Variants in KCNIP4 observed in about 807,000 individuals in gnomAD.
The protein encoded by KCNIP4 is potassium voltage-gated channel interacting protein 4.
In KCNIP4, 12 loss-of-function variants were observed where a neutral mutation model predicts 34.0. The observed-to-expected ratio is 0.35, with a 90% CI of 0.23 to 0.57. The LOEUF (loss-of-function observed/expected upper bound fraction) is 0.57. Ranked by LOEUF, KCNIP4 falls within the 20% of genes least tolerant of loss-of-function variation. The pLI is 0.83. For missense variants in KCNIP4, 238 were observed against 311.7 expected (o/e 0.76, Z 1.78); for synonymous variants, 124 against 102.2 (o/e 1.21, Z -1.29).
At chr4:21,095,450 T>G (rs1747376722) in intron 1 of KCNIP4, among the ~76,000 whole-genome samples, 1 of 152,212 alleles carries the variant, frequency 6.6e-6, no homozygotes. Context: ...TATCAGTCAC[T>G]CTAGGCATGG....
chr4:21,721,639 A>G (rs1460851065), intron 1 of KCNIP4, among the ~76,000 whole-genome samples: 1 of 152,218 alleles, frequency 6.6e-6, no homozygotes, highest in Admixed American at 6.5e-5. Flanking sequence ...TAACTAAAAA[A>G]TCACATAAAA....
intron 1 of KCNIP4, among the ~76,000 whole-genome samples, chr4:20,960,268 G>A (rs938308985): frequency 6.6e-6 from 1 of 152,104 alleles, no homozygotes; most frequent in African/African-American, 2.4e-5. Context: ...AAAAGTATTT[G>A]TAAGCATGCT....
At chr4:21,733,792 A>G (rs1397029181) in intron 1 of KCNIP4, among the ~76,000 whole-genome samples, 1 of 152,144 alleles carries the variant, frequency 6.6e-6, no homozygotes, top group Non-Finnish European at 1.5e-5. Flanking sequence ...GGACATAAAA[A>G]AATTCTCCCA....
At chr4:21,434,377 A>G (rs776971081) in intron 1 of KCNIP4, among the ~76,000 whole-genome samples, 6 of 152,210 alleles carry the variant, frequency 3.9e-5, no homozygotes, top group Non-Finnish European at 8.8e-5. Flanking sequence ...TCAATTGAAT[A>G]TATTCTAAGA....
chr4:21,804,854 TAACA>T (rs905330384), intron 1 of KCNIP4, among the ~76,000 whole-genome samples: 7 of 152,146 alleles, frequency 4.6e-5, no homozygotes, highest in African/African-American at 1.7e-4. Context: ...TTCCACTCAC[TAACA>T]AACAATATAT....
chr4:21,558,214 T>C (rs2109027493), intron 1 of KCNIP4, among the ~76,000 whole-genome samples: 1 of 152,210 alleles, frequency 6.6e-6, no homozygotes, highest in Middle Eastern at 3.4e-3. Context: ...ATTTAGGACC[T>C]GGTGCAGTGG....
intron 1 of KCNIP4, among the ~76,000 whole-genome samples, chr4:21,311,026 C>A (rs1269898445): frequency 6.6e-6 from 1 of 152,142 alleles, no homozygotes; most frequent in African/African-American, 2.4e-5. Context: ...GGGTTTAAAT[C>A]CCCACTTTGT....
rs1748399112 is a variant in KCNIP4, at chr4:20,732,044, C to A, written c.667G>T (p.Val223Phe). ...FQKMDKNKDG[V>F]VTIDEFIESC... ...TCAATGAACTCATCTATGGTAACAA[C>A]CCCATCTTTATTTTTGTCCATTTTC... The change falls in exon 8 of 9, where the codon GTT (valine) becomes TTT (phenylalanine). Residue 223 changes from valine (V) to phenylalanine (F), a missense_variant. By Grantham distance (50) the Val-to-Phe change is conservative. Transcript: ENST00000382152. The A allele has an allele frequency of 1.9e-6, 3 of 1,612,448 alleles. No individual in the cohort carries two copies. The highest frequency in any genetic ancestry group is 2.5e-6 in the Non-Finnish European group (3 of 1,179,396).
At chr4:21,744,505 A>G in intron 1 of KCNIP4, among the ~76,000 whole-genome samples, 1 of 152,200 alleles carries the variant, frequency 6.6e-6, no homozygotes, top group East Asian at 1.9e-4. Flanking sequence ...GAAAAAGTTT[A>G]CAGTCTGATA....
chr4:21,897,293 C>A (rs1727449681), intron 1 of KCNIP4, among the ~76,000 whole-genome samples: 1 of 151,916 alleles, frequency 6.6e-6, no homozygotes. Context: ...TTCAGAAGTT[C>A]TAATAAGACA....
At chr4:20,909,611 C>T (rs1728136669) in intron 1 of KCNIP4, among the ~76,000 whole-genome samples, 1 of 152,104 alleles carries the variant, frequency 6.6e-6, no homozygotes, top group South Asian at 2.1e-4. Flanking sequence ...GTTTGGGACA[C>T]ATTACTTTGG....
chr4:21,154,664 T>C (rs1370334085), intron 1 of KCNIP4, among the ~76,000 whole-genome samples: 1 of 152,234 alleles, frequency 6.6e-6, no homozygotes, highest in Admixed American at 6.5e-5. Flanking sequence ...AAATATTCCA[T>C]ATTTCCCAAT....
Position 21,293,621 on chromosome 4 carries a change from G to A in KCNIP4, c.62-410912C>T, listed in dbSNP as rs537856836. 3.3e-5 allele frequency among the ~76,000 whole-genome samples: 5 copies of A among 152,286 alleles called. No homozygotes were observed. In the South Asian group the frequency reaches 1.0e-3, roughly 32 times the overall value. On this transcript the variant is annotated intron_variant, in intron 1 of 8. Coordinates refer to ENST00000382152, the MANE Select transcript of KCNIP4 (RefSeq NM_025221.6). ...ATCTACCCTCTGTCTTATAGGATTGGATCTTGCTTTCTGTGTTCCCAGTCA... is the reference window on the plus strand; with the variant it reads ...ATCTACCCTCTGTCTTATAGGATTGAATCTTGCTTTCTGTGTTCCCAGTCA...
chr4:21,848,009 T>C (rs1444132907), intron 1 of KCNIP4: 1 of 152,162 alleles, frequency 6.6e-6, no homozygotes, highest in Non-Finnish European at 1.5e-5. Context: ...TTTGACTGTA[T>C]TCTGTCAATT....
intron 2 of KCNIP4, among the ~76,000 whole-genome samples, chr4:20,856,612 T>A (rs1198489422): frequency 2.0e-5 from 3 of 152,176 alleles, no homozygotes; most frequent in Non-Finnish European, 4.4e-5. Flanking sequence ...TTAAGAATAA[T>A]CTGGTAAACA....
intron 1 of KCNIP4, among the ~76,000 whole-genome samples, chr4:21,505,651 C>T (rs10013379): frequency 0.067 from 10,271 of 152,176 alleles, 1,068 homozygotes; most frequent in African/African-American, 0.23. Flanking sequence ...AACCCAACTT[C>T]CCCTGACTTT....
chr4:21,739,246 G>A (rs1005711626), intron 1 of KCNIP4, among the ~76,000 whole-genome samples: 28 of 152,084 alleles, frequency 1.8e-4, no homozygotes, highest in African/African-American at 6.8e-4. Context: ...AACTGTTGAT[G>A]TATTACCCTA....
At chr4:21,309,535 A>G (rs1439398654) in intron 1 of KCNIP4, among the ~76,000 whole-genome samples, 1 of 152,246 alleles carries the variant, frequency 6.6e-6, no homozygotes, top group African/African-American at 2.4e-5. Flanking sequence ...TATTAAAAAC[A>G]AAATTCAGAT....
chr4:21,180,568 GTTTC>G (rs988488388), intron 1 of KCNIP4, among the ~76,000 whole-genome samples: 4 of 151,624 alleles, frequency 2.6e-5, no homozygotes, highest in African/African-American at 4.8e-5. Flanking sequence ...TTTACAGATA[GTTTC>G]TTTCTTTCTT....
Sources: gnomAD v4.1 joint callset for allele counts (sites outside exome capture counted in the v4.1 genomes callset) on GRCh38, gnomAD v4.1.1 for gene constraint, MANE v1.5 for transcripts, NCBI Gene and HGNC (gene_info 2026-07-23, HGNC 2026-07-21) for gene names.